HP1BP3: variants seen among roughly 807,000 people sequenced by gnomAD.
HP1BP3 encodes the protein heterochromatin protein 1 binding protein 3, also known as heterochromatin protein 1-binding protein 3.
HP1BP3 carries 12 observed loss-of-function variants against 62.5 expected under a neutral mutation model. The ratio of observed to expected loss-of-function variants is 0.19; its 90% CI spans 0.12 to 0.31. HP1BP3 has a LOEUF of 0.31. Ranked by LOEUF, HP1BP3 falls within the 10% of genes least tolerant of loss-of-function variation. The probability of loss-of-function intolerance (pLI) is 1.00; values close to 1 mark genes in which losing one functional copy is unlikely to be tolerated. For synonymous variants in HP1BP3, 260 were observed against 237.8 expected (o/e 1.09, Z -0.86); for missense variants, 502 against 651.8 (o/e 0.77, Z 2.50).
At chr1:20,749,214 G>A (rs2154539667) in intron 10 of HP1BP3, among the ~76,000 whole-genome samples, 1 of 152,152 alleles carries the variant, frequency 6.6e-6, no homozygotes, top group Non-Finnish European at 1.5e-5. Context: ...ATAAGCAGAT[G>A]CTTTAAATTA....
At chr1:20,771,808 T>C (rs1426090824) in intron 5 of HP1BP3, among the ~76,000 whole-genome samples, 5 of 152,324 alleles carry the variant, frequency 3.3e-5, no homozygotes, top group African/African-American at 9.6e-5. Flanking sequence ...CACACAAAAG[T>C]AGCATCTGTC....
chr1:20,747,502 G>T, intron 11 of HP1BP3, 42 bp downstream of exon 11: 1 of 1,181,582 alleles, frequency 8.5e-7, no homozygotes, highest in South Asian at 1.3e-5. Flanking sequence ...GTGTAACTTA[G>T]ACTATAAATT....
At position 20,747,624 on chromosome 1, in the gene HP1BP3, G is replaced by C. The variant is rs964606149; in HGVS notation, c.1173C>G (p.Cys391Trp). Residue 391 changes from cysteine (C) to tryptophan (W), a missense_variant, in exon 11 of 13, where the codon TGC becomes TGG. Coordinates refer to ENST00000438032, the MANE Select transcript of HP1BP3 (RefSeq NM_001372052.1). The stretch of plus-strand genomic sequence containing the variant: ...TCTGTTCCATCCACCCATTCTTTTC[G>C]CATTTCTGCAGGGTTTTTTTCAGCA... The part of the protein sequence containing the change: ...MHLLKKTLQK[C>W]EKNGWMEQIS... The C allele has an allele frequency of 1.9e-6, 3 of 1,612,104 alleles. No individual in the cohort carries two copies. The highest frequency in any genetic ancestry group is 2.2e-5 in the East Asian group (1 of 44,794).
intron 8 of HP1BP3, among the ~76,000 whole-genome samples, chr1:20,758,442 G>A (rs569411149): frequency 1.3e-3 from 198 of 151,808 alleles, no homozygotes; most frequent in Admixed American, 2.3e-3. Context: ...GCCCCCTCAG[G>A]TTCAAGTGAT....
intron 8 of HP1BP3, among the ~76,000 whole-genome samples, chr1:20,760,639 C>T (rs1371046492): frequency 1.3e-5 from 2 of 151,818 alleles, no homozygotes; most frequent in East Asian, 1.9e-4. Context: ...GAATTTGAGA[C>T]CAGCCTGGCC....
At chr1:20,751,666 T>C (rs1427679821) in intron 9 of HP1BP3, among the ~76,000 whole-genome samples, 1 of 151,582 alleles carries the variant, frequency 6.6e-6, no homozygotes, top group African/African-American at 2.4e-5. Flanking sequence ...AGGCTATTAG[T>C]GAGCTATGAT....
intron 1 of HP1BP3, among the ~76,000 whole-genome samples, chr1:20,781,631 T>C (rs932314445): frequency 3.3e-5 from 5 of 152,216 alleles, no homozygotes; most frequent in Admixed American, 2.0e-4. Flanking sequence ...ATTAAATTTT[T>C]TTTTTCTTTT....
At chr1:20,778,282 G>T (rs1261316945) in intron 3 of HP1BP3, among the ~76,000 whole-genome samples, 1 of 152,164 alleles carries the variant, frequency 6.6e-6, no homozygotes, top group Non-Finnish European at 1.5e-5. Flanking sequence ...TTAAACTACT[G>T]TGTTTCTGTG....
At chr1:20,758,373 T>C (rs1357356773) in intron 8 of HP1BP3, among the ~76,000 whole-genome samples, 4 of 151,986 alleles carry the variant, frequency 2.6e-5, no homozygotes, top group African/African-American at 9.7e-5. Context: ...TGAGACGCAT[T>C]CTCCCTCTGT....
At chr1:20,779,194 G>C (rs1170673023) in intron 3 of HP1BP3, among the ~76,000 whole-genome samples, 2 of 151,490 alleles carry the variant, frequency 1.3e-5, no homozygotes, top group Non-Finnish European at 2.9e-5. Flanking sequence ...AAAGGCAAGA[G>C]AGAAAGGAAA....
At chr1:20,762,979 T>C (rs7548269) in intron 8 of HP1BP3, among the ~76,000 whole-genome samples, 43,965 of 152,136 alleles carry the variant, frequency 0.29, 7,890 homozygotes, top group Non-Finnish European at 0.4. Context: ...GTCTGAGTTA[T>C]AGGGATGGCT....
At chr1:20,786,966 G>A (rs1190004587) in intron 1 of HP1BP3, among the ~76,000 whole-genome samples, 1 of 151,996 alleles carries the variant, frequency 6.6e-6, no homozygotes, top group Non-Finnish European at 1.5e-5. Flanking sequence ...GGCCCCTGAG[G>A]AGGAGTCCAC....
In HP1BP3 at chr1:20,745,980, G is replaced by T. The variant is rs552106683; in HGVS notation, c.1254-324C>A. Among the ~76,000 whole-genome samples the T allele has an allele frequency of 2.2e-4, 34 of 152,022 alleles. No homozygotes were observed. In the South Asian group the frequency reaches 6.9e-3, roughly 31 times the overall value. ...TATTAGCCAATGAGTACACAGCAAT[G>T]AACAGTCTGCATGGAATACACACTT... On this transcript the variant is annotated intron_variant, in intron 11 of 12. Coordinates refer to ENST00000438032, the MANE Select transcript of HP1BP3 (RefSeq NM_001372052.1).
At chr1:20,750,521 T>C (rs1263023526) in intron 9 of HP1BP3, among the ~76,000 whole-genome samples, 1 of 150,808 alleles carries the variant, frequency 6.6e-6, no homozygotes, top group Non-Finnish European at 1.5e-5. Context: ...AGTAAGATTC[T>C]GTCTAAAAAA....
At chr1:20,786,102 A>AC (rs2057812348) in intron 1 of HP1BP3, 1 of 152,198 alleles carries the variant, frequency 6.6e-6, no homozygotes, top group African/African-American at 2.4e-5. Flanking sequence ...CGTACGGGAG[A>AC]CAACTCTTTC....
At position 20,778,807 on chromosome 1, in the gene HP1BP3, TTG is replaced by T. The variant is rs1029906231; in HGVS notation, c.196+1003_196+1004del. 2.8e-4 allele frequency among the ~76,000 whole-genome samples: 42 copies of T among 152,038 alleles called. 2 individuals are homozygous for T. Among genetic ancestry groups the T allele is most frequent in the Non-Finnish European group, 5.9e-5 (4 of 68,010 alleles). ...CCTCTTTTTTTTTTTTTTCTTTTTTTTGGAGACAGTTTCCCTCTGTTGCCCAG... is the reference window on the plus strand; with the variant it reads ...CCTCTTTTTTTTTTTTTTCTTTTTTTGAGACAGTTTCCCTCTGTTGCCCAG... On this transcript the variant is annotated intron_variant, in intron 3 of 12. Coordinates refer to ENST00000438032, the MANE Select transcript of HP1BP3 (RefSeq NM_001372052.1).
At chr1:20,746,186 ATGTG>A (rs35710978) in intron 11 of HP1BP3, among the ~76,000 whole-genome samples, 5,437 of 143,072 alleles carry the variant, frequency 0.038, 122 homozygotes, top group East Asian at 0.11. Context: ...ACATACATAT[ATGTG>A]TGTGTGTGTG....
chr1:20,777,451 T>C (rs2057353022), intron 3 of HP1BP3, among the ~76,000 whole-genome samples: 2 of 151,706 alleles, frequency 1.3e-5, no homozygotes, highest in Non-Finnish European at 2.9e-5. Flanking sequence ...AAAGAGAATT[T>C]TATTTATTTA....
At chr1:20,767,185 G>C (rs1277977795) in intron 7 of HP1BP3, among the ~76,000 whole-genome samples, 1 of 151,706 alleles carries the variant, frequency 6.6e-6, no homozygotes, top group South Asian at 2.1e-4. Flanking sequence ...GCACTGTGGC[G>C]AGTGCCTGTA....
Sources: allele counts gnomAD v4.1 joint callset (sites outside exome capture counted in the v4.1 genomes callset), GRCh38; gene constraint gnomAD v4.1.1; transcripts MANE v1.5; gene names NCBI Gene and HGNC (gene_info 2026-07-23, HGNC 2026-07-21).